Variants in RBFOX1 observed in about 807,000 individuals in gnomAD.
RBFOX1 encodes the protein RNA binding protein fox-1 homolog 1.
A neutral mutation model predicts 57.7 loss-of-function variants in RBFOX1; 8 were observed. That is an observed-to-expected ratio of 0.14 (90% confidence interval 0.08 to 0.25). The LOEUF (loss-of-function observed/expected upper bound fraction) is 0.25. Among genes scored for constraint, RBFOX1 ranks in the 10% least tolerant of loss-of-function variants. The pLI, the probability that RBFOX1 is intolerant of heterozygous loss-of-function variation, is 1.00. For missense variants in RBFOX1, 611 were observed against 548.5 expected, an observed-to-expected ratio of 1.11 and a Z score of -1.14; for synonymous variants, 326 against 222.4, an observed-to-expected ratio of 1.47 and a Z score of -4.15.
At chr16:7,224,525 C>T (rs1227355335) in intron 4 of RBFOX1, among the ~76,000 whole-genome samples, 1 of 152,124 alleles carries the variant, frequency 6.6e-6, no homozygotes, top group African/African-American at 2.4e-5. Flanking sequence ...CTCAGTGCCT[C>T]TGATTTAACT....
chr16:5,556,439 C>A (rs996436285), intron 2 of RBFOX1, among the ~76,000 whole-genome samples: 3 of 152,202 alleles, frequency 2.0e-5, no homozygotes, highest in Non-Finnish European at 4.4e-5. Context: ...GTTTCCAGGT[C>A]ATTTGACATT....
chr16:6,422,584 T>G (rs802313), intron 2 of RBFOX1, among the ~76,000 whole-genome samples: 94,113 of 151,994 alleles, frequency 0.62, 30,103 homozygotes, highest in African/African-American at 0.79. Context: ...CTCCTGGGGA[T>G]GCCTCAGGAA....
At chr16:7,161,313 A>G (rs1376748615) in intron 4 of RBFOX1, among the ~76,000 whole-genome samples, 3 of 151,760 alleles carry the variant, frequency 2.0e-5, no homozygotes, top group African/African-American at 7.3e-5. Flanking sequence ...AATATTTGCT[A>G]ACCGTTTTAA....
Position 6,984,613 on chromosome 16 carries a change from C to T in RBFOX1, c.-15-67444C>T, listed in dbSNP as rs934946026. ...TGCTGGACAGAATCTTAGCTCTGCCCAGTGAGTTTACCACATGCCTTCTTT... is the reference window on the plus strand; with the variant it reads ...TGCTGGACAGAATCTTAGCTCTGCCTAGTGAGTTTACCACATGCCTTCTTT... On this transcript the variant is annotated intron_variant, in intron 3 of 15. Transcript: ENST00000550418. Among the ~76,000 whole-genome samples, 3 of 152,026 alleles carry T rather than the reference C, an allele frequency of 2.0e-5. No homozygotes were observed. In the East Asian group the frequency reaches 5.8e-4, roughly 29 times the overall value.
intron 1 of RBFOX1, among the ~76,000 whole-genome samples, chr16:5,275,186 G>A (rs1222023723): frequency 6.6e-6 from 1 of 152,144 alleles, no homozygotes; most frequent in African/African-American, 2.4e-5. Context: ...GAGAATAATT[G>A]TACATATTTA....
At chr16:6,141,166 T>C (rs2096712930) in intron 1 of RBFOX1, among the ~76,000 whole-genome samples, 1 of 152,210 alleles carries the variant, frequency 6.6e-6, no homozygotes, top group South Asian at 2.1e-4. Flanking sequence ...TGCATTTCCC[T>C]GCAGTACCTT....
chr16:7,155,591 G>T (rs139968336), intron 4 of RBFOX1, among the ~76,000 whole-genome samples: 25 of 132,580 alleles, frequency 1.9e-4, no homozygotes, highest in African/African-American at 7.1e-4. Context: ...GTGAGCACTT[G>T]TCTGAAAAAA....
Position 7,687,068 on chromosome 16 carries a change from C to T in RBFOX1, c.995+10230C>T, listed in dbSNP as rs189244410. ...TTTTTAAGTGTATTTTCATGTGTTC[C>T]CCCTTTTCAAAAAGAGATAGGTGTA... On this transcript the variant is annotated intron_variant, in intron 14 of 15. Transcript: ENST00000550418. 4.4e-3 allele frequency among the ~76,000 whole-genome samples: 662 copies of T among 152,042 alleles called. 1 individual carries two copies. The highest frequency in any genetic ancestry group is 7.0e-3 in the Non-Finnish European group (473 of 67,928).
chr16:6,514,361 T>C (rs947597068), intron 2 of RBFOX1, among the ~76,000 whole-genome samples: 1 of 152,170 alleles, frequency 6.6e-6, no homozygotes, highest in Non-Finnish European at 1.5e-5. Flanking sequence ...TCTGTGTCTT[T>C]CAGAGGGTAG....
At chr16:6,488,008 T>C (rs138386614) in intron 2 of RBFOX1, among the ~76,000 whole-genome samples, 3 of 152,180 alleles carry the variant, frequency 2.0e-5, no homozygotes, top group East Asian at 1.9e-4. Context: ...GACACAGATA[T>C]ACACTCAAAA....
rs200261628 is a variant in RBFOX1 at position 5,454,563 on chromosome 16, GAA to G, written c.220-12650_220-12649del. Reference sequence around the variant, plus strand: ...CAATCAGTTGAAGGCCTGAATAGAAGAAAAGATTGACCTCCTTTGAGCAAGAG... The same window carrying G: ...CAATCAGTTGAAGGCCTGAATAGAAGAAGATTGACCTCCTTTGAGCAAGAG... On this transcript the variant is annotated intron_variant, in intron 1 of 2. Transcript: ENST00000585867. Among the ~76,000 whole-genome samples the G allele has an allele frequency of 6.9e-3, 1,057 of 152,256 alleles. 7 individuals carry two copies. Among genetic ancestry groups the G allele is most frequent in the Non-Finnish European group, 0.011 (721 of 68,018 alleles).
At position 5,335,682 on chromosome 16, in the gene RBFOX1, GGT is replaced by G. The variant is rs369728925; in HGVS notation, c.219+95579_219+95580del. 3.5e-3 allele frequency among the ~76,000 whole-genome samples: 526 copies of G among 152,214 alleles called. 1 individual carries two copies. The highest frequency in any genetic ancestry group is 0.012 in the African/African-American group (507 of 41,534). On this transcript the variant is annotated intron_variant, in intron 1 of 2. Transcript: ENST00000585867. ...TGTGTGTGGAGTGGCACGGTGTGGG[GGT>G]GGGAAGGATTTCTCCCAGTAGATCA...
In RBFOX1 at chr16:6,777,005, A is replaced by G. The variant is rs536295376; in HGVS notation, c.-16+122355A>G. Among the ~76,000 whole-genome samples, 12 of 152,336 alleles carry G rather than the reference A, an allele frequency of 7.9e-5. No homozygotes were observed. The South Asian group carries it at 2.3e-3, about 29-fold the overall frequency. On this transcript the variant is annotated intron_variant, in intron 3 of 15. Transcript: ENST00000550418. ...TTTGATGCAGTTGTAATTAAAGTGA[A>G]GAAACTAATAGCCTTCTGTAATTGA...
At chr16:5,923,583 C>T (rs566992733) in intron 4 of RBFOX1, among the ~76,000 whole-genome samples, 2 of 148,776 alleles carry the variant, frequency 1.3e-5, no homozygotes, top group African/African-American at 5.0e-5. Context: ...GCTGTGTGGC[C>T]CAGGCTCGAA....
chr16:7,342,833 T>G (rs554520503), intron 4 of RBFOX1, among the ~76,000 whole-genome samples: 2 of 152,274 alleles, frequency 1.3e-5, no homozygotes, highest in East Asian at 3.9e-4. Context: ...GCCTGCATAG[T>G]TGGAATGACT....
chr16:6,341,905 A>C (rs1011777847), intron 2 of RBFOX1, among the ~76,000 whole-genome samples: 8 of 152,208 alleles, frequency 5.3e-5, no homozygotes, highest in Admixed American at 2.0e-4. Context: ...ATTCCACTGA[A>C]CCCACCTGGA....
intron 4 of RBFOX1, among the ~76,000 whole-genome samples, chr16:7,113,255 A>G (rs2065172463): frequency 6.6e-6 from 1 of 152,158 alleles, no homozygotes; most frequent in South Asian, 2.1e-4. Context: ...GAGACCCAAG[A>G]GTGTACCTCT....
At chr16:7,507,502 G>T (rs563405755) in intron 4 of RBFOX1, among the ~76,000 whole-genome samples, 37 of 151,244 alleles carry the variant, frequency 2.4e-4, no homozygotes, top group African/African-American at 8.2e-4. Flanking sequence ...CCCACCCTCA[G>T]AGATTCTGAG....
chr16:6,982,875 C>T (rs2153593726), intron 3 of RBFOX1, among the ~76,000 whole-genome samples: 2 of 151,068 alleles, frequency 1.3e-5, no homozygotes, highest in Middle Eastern at 6.8e-3. Flanking sequence ...TGCCTGTAAT[C>T]CAAGATACTT....
Sources: allele counts gnomAD v4.1 joint callset (sites outside exome capture counted in the v4.1 genomes callset), GRCh38; gene constraint gnomAD v4.1.1; transcripts MANE v1.5; gene names NCBI Gene and HGNC (gene_info 2026-07-23, HGNC 2026-07-21).